The following CLEC20A variants were observed in gnomAD, a reference collection of about 807,000 sequenced individuals.
CLEC20A encodes the protein C-type lectin domain containing 20A, also known as putative C-type lectin domain family 20 member A.
At chr1:178,495,896 G>A (rs955114296) in intron 1 of CLEC20A, 55 of 152,806 alleles carry the variant, frequency 3.6e-4, no homozygotes, top group African/African-American at 1.3e-3. Context: ...AGAATGAAGG[G>A]CTTGGTGCTG....
intron 1 of CLEC20A, 150 bp from the exon 2 acceptor site, chr1:178,494,960 C>T (rs1054916774): frequency 1.5e-4 from 60 of 397,574 alleles, no homozygotes; most frequent in African/African-American, 9.9e-4. Flanking sequence ...TCCAGCTCTA[C>T]CTCCCAGCCT....
At chr1:178,492,833 C>G (rs576608875) in intron 2 of CLEC20A, among the ~76,000 whole-genome samples, 62 of 152,316 alleles carry the variant, frequency 4.1e-4, no homozygotes, top group African/African-American at 1.5e-3. Context: ...TTGTAGAGAG[C>G]TGGGAGGAGC....
intron 5 of CLEC20A, among the ~76,000 whole-genome samples, chr1:178,487,523 CTCATCCTTCCAATAGTT>C (rs1340623193): frequency 3.9e-5 from 6 of 152,198 alleles, no homozygotes; most frequent in Non-Finnish European, 8.8e-5. Flanking sequence ...CTAAATCCTT[CTCATCCTTCCAATAGTT>C]ATAAAGTCAC....
chr1:178,485,430 TAC>T (rs1201109143), intron 5 of CLEC20A, among the ~76,000 whole-genome samples: 1 of 152,192 alleles, frequency 6.6e-6, no homozygotes, highest in Non-Finnish European at 1.5e-5. Flanking sequence ...AAGCAAACCA[TAC>T]AGTTTGACAT....
intron 3 of CLEC20A, among the ~76,000 whole-genome samples, chr1:178,490,936 G>A (rs1339178680): frequency 2.6e-5 from 4 of 152,144 alleles, no homozygotes; most frequent in South Asian, 4.2e-4. Context: ...ACTGGCTCTC[G>A]GGCGAATCCA....
intron 3 of CLEC20A, among the ~76,000 whole-genome samples, chr1:178,491,830 C>G (rs1421190366): frequency 6.6e-6 from 1 of 152,134 alleles, no homozygotes; most frequent in African/African-American, 2.4e-5. Flanking sequence ...CCGCCCCACC[C>G]CTAGATGGAT....
intron 5 of CLEC20A, chr1:178,486,696 G>A (rs1343296051): frequency 1.0e-5 from 4 of 398,584 alleles, no homozygotes; most frequent in Middle Eastern, 6.2e-4. Flanking sequence ...GGCTCGAAGC[G>A]GAGGCCAGAA....
upstream of CLEC20A, among the ~76,000 whole-genome samples, chr1:178,499,346 A>G (rs1345667229): frequency 6.6e-6 from 1 of 152,242 alleles, no homozygotes; most frequent in Non-Finnish European, 1.5e-5. Flanking sequence ...TGAAGGATAC[A>G]AAGTATTGAT....
intron 5 of CLEC20A, among the ~76,000 whole-genome samples, chr1:178,485,167 A>G (rs1429227164): frequency 6.6e-6 from 1 of 152,220 alleles, no homozygotes; most frequent in Non-Finnish European, 1.5e-5. Flanking sequence ...TATTATGTAC[A>G]TAACATTGAT....
intron 4 of CLEC20A, among the ~76,000 whole-genome samples, 196 bp downstream of exon 4, chr1:178,489,876 T>C (rs764770255): frequency 9.9e-5 from 15 of 152,226 alleles, no homozygotes; most frequent in Non-Finnish European, 2.1e-4. Flanking sequence ...ATTCCCAGAA[T>C]TAAAATAATA....
chr1:178,483,987 C>T (rs1406771165), intron 5 of CLEC20A: 2 of 152,216 alleles, frequency 1.3e-5, no homozygotes. Context: ...TTCACACTCT[C>T]GAATTTGTTA....
At chr1:178,483,009 G>A (rs1366773355) in intron 6 of CLEC20A, 166 bp downstream of exon 6, 1 of 392,460 alleles carries the variant, frequency 2.5e-6, no homozygotes, top group Non-Finnish European at 4.5e-6. Flanking sequence ...TTTCATAATA[G>A]TCATGGAGCA....
At chr1:178,493,548 G>C (rs1333761272) in intron 2 of CLEC20A, 1 of 152,712 alleles carries the variant, frequency 6.5e-6, no homozygotes, top group South Asian at 2.1e-4. Flanking sequence ...CGGAGGCACC[G>C]GCAGCCAGGA....
upstream of CLEC20A, chr1:178,497,056 G>A: frequency 2.5e-6 from 1 of 398,946 alleles, no homozygotes; most frequent in Non-Finnish European, 4.4e-6. Flanking sequence ...ATTCCTTGCT[G>A]TTTCCTCTCT....
At chr1:178,495,171 C>A (rs1020757182) in intron 1 of CLEC20A, among the ~76,000 whole-genome samples, 35 of 152,244 alleles carry the variant, frequency 2.3e-4, no homozygotes, top group African/African-American at 8.2e-4. Flanking sequence ...TGCTTGATAA[C>A]AATAGACAAT....
exon 6 of CLEC20A, chr1:178,483,259 T>C (rs1649037464): frequency 2.5e-6 from 1 of 398,514 alleles, no homozygotes; most frequent in East Asian, 3.6e-5. Context: ...CTTCTATCAG[T>C]GCCACTCCCT....
exon 2 of CLEC20A, chr1:178,494,526 A>G: frequency 2.5e-6 from 1 of 399,544 alleles, no homozygotes; most frequent in South Asian, 1.3e-4. Flanking sequence ...AGCCAAGTGT[A>G]CAGCGTGGCA....
At chr1:178,497,112 A>C (rs1018976581), upstream of CLEC20A, 5 of 396,956 alleles carry the variant, frequency 1.3e-5, no homozygotes, top group African/African-American at 2.1e-5. Context: ...ACAAATACTT[A>C]CCCAGTGTCT....
exon 4 of CLEC20A, chr1:178,490,146 C>T (rs988861419): frequency 2.5e-6 from 1 of 398,672 alleles, no homozygotes; most frequent in Non-Finnish European, 4.4e-6. Flanking sequence ...CATATAGATG[C>T]CAAGAGCTGT....
Sources: allele counts gnomAD v4.1 joint callset (sites outside exome capture counted in the v4.1 genomes callset), GRCh38; gene constraint gnomAD v4.1.1; transcripts MANE v1.5; gene names NCBI Gene and HGNC (gene_info 2026-07-23, HGNC 2026-07-21).